SPATA24: variants seen among roughly 807,000 people sequenced by gnomAD.
The protein encoded by SPATA24 is spermatogenesis-associated protein 24.
A neutral mutation model predicts 28.9 loss-of-function variants in SPATA24; 21 were observed. That is an observed-to-expected ratio of 0.73 (90% CI 0.52 to 1.05). SPATA24 has a LOEUF of 1.05. Ranked by LOEUF, SPATA24 falls within the 50% of genes least tolerant of loss-of-function variation. The pLI is 0.00. For synonymous variants in SPATA24, 76 were observed against 89.9 expected (o/e 0.85, Z 0.88); for missense variants, 215 against 242.9 (o/e 0.88, Z 0.76).
intron 1 of SPATA24, among the ~76,000 whole-genome samples, chr5:139,403,533 G>A (rs964978235): frequency 6.6e-6 from 1 of 152,182 alleles, no homozygotes; most frequent in Non-Finnish European, 1.5e-5. Context: ...CGCTGGCAAG[G>A]GCCAAATCTG....
At chr5:139,396,292 A>G, downstream of SPATA24, 3 of 985,366 alleles carry the variant, frequency 3.0e-6, no homozygotes, top group Non-Finnish European at 3.6e-6. Context: ...GTGCAAATTG[A>G]GGTCCCTTCC....
Position 139,404,088 on chromosome 5 carries a change from T to C in SPATA24, c.-28A>G. 6.5e-7 allele frequency: 1 copy of C among 1,532,302 alleles called. No homozygotes were observed. Among genetic ancestry groups the C allele is most frequent in the Non-Finnish European group, 8.8e-7 (1 of 1,130,604 alleles). 94.9% of individuals were successfully genotyped at this position (1,532,302 alleles called of 1,614,324 possible). A position where few individuals can be genotyped will look rare whatever the true frequency, so the allele number is the denominator to read the frequency against. ...TCCGCCCCCGCCAGCTAGTTGGAAA[T>C]GGCTGCCTCGGGGGTGATCCTCGCC... On this transcript the variant is annotated 5_prime_UTR_variant, in exon 1 of 6. Transcript: ENST00000450845.
At chr5:139,401,479 A>AAAGGTGGAC (rs895650764) in intron 4 of SPATA24, 2 of 620,386 alleles carry the variant, frequency 3.2e-6, no homozygotes, top group Non-Finnish European at 5.8e-6. Context: ...TGGGAAAACA[A>AAAGGTGGAC]AAGGTGGACT....
At chr5:139,396,198 C>T, downstream of SPATA24, 1 of 985,372 alleles carries the variant, frequency 1.0e-6, no homozygotes, top group Non-Finnish European at 1.2e-6. Flanking sequence ...TGGGTGTGTC[C>T]CCATGATCAC....
chr5:139,393,060 G>C (rs748223567), downstream of SPATA24: 1 of 1,529,954 alleles, frequency 6.5e-7, no homozygotes, highest in Non-Finnish European at 8.8e-7. Context: ...GAGCCGGGGC[G>C]GGGGGCCCCA....
chr5:139,400,661 C>T (rs1758801950), intron 4 of SPATA24, among the ~76,000 whole-genome samples: 1 of 152,078 alleles, frequency 6.6e-6, no homozygotes, highest in South Asian at 2.1e-4. Context: ...AAAGGGGCTC[C>T]TGAGGTGTAC....
chr5:139,396,221 C>T (rs537508239), downstream of SPATA24: 5 of 985,370 alleles, frequency 5.1e-6, no homozygotes, highest in Admixed American at 6.1e-5. Flanking sequence ...AGGGGGCACT[C>T]GGTGATGGCT....
chr5:139,401,464 A>C (rs1450397453), intron 4 of SPATA24: 1 of 618,458 alleles, frequency 1.6e-6, no homozygotes, highest in African/African-American at 1.8e-5. Context: ...GTAACCCATC[A>C]AAAGTGGGAA....
At chr5:139,393,594 C>T (rs1208577805), downstream of SPATA24, 11 of 1,550,706 alleles carry the variant, frequency 7.1e-6, no homozygotes, top group South Asian at 1.1e-4. Context: ...CCGGCGGGGA[C>T]GGGCTGCTAC....
chr5:139,395,848 C>G (rs1230223261), downstream of SPATA24: 1 of 152,422 alleles, frequency 6.6e-6, no homozygotes, highest in Non-Finnish European at 1.5e-5. Context: ...TGGGGTCCTA[C>G]AGGAAGCTTC....
intron 1 of SPATA24, 107 bp from the exon 2 acceptor site, chr5:139,402,800 G>A (rs916641647): frequency 9.9e-6 from 8 of 805,608 alleles, no homozygotes; most frequent in African/African-American, 8.5e-5. Flanking sequence ...TGGTACCTAG[G>A]ATGAGACTGA....
intron 4 of SPATA24, among the ~76,000 whole-genome samples, chr5:139,400,233 T>C (rs144317635): frequency 2.0e-5 from 3 of 151,988 alleles, no homozygotes; most frequent in African/African-American, 4.8e-5. Flanking sequence ...CCTCTTGCGC[T>C]TGGGCTCTGG....
chr5:139,394,915 C>T, downstream of SPATA24: 1 of 1,519,262 alleles, frequency 6.6e-7, no homozygotes, highest in Non-Finnish European at 8.8e-7. Flanking sequence ...CACCCAGGGC[C>T]AATTCGCTGG....
At chr5:139,398,564 C>A (rs1758758793) in intron 4 of SPATA24, among the ~76,000 whole-genome samples, 1 of 152,044 alleles carries the variant, frequency 6.6e-6, no homozygotes, top group African/African-American at 2.4e-5. Context: ...CAGAGCAAGA[C>A]CCTGTCTCTA....
rs541311172 is a variant in SPATA24 at position 139,402,016 on chromosome 5, C to G, written c.213G>C (p.Lys71Asn). 1 of 1,551,468 alleles carries G rather than the reference C, an allele frequency of 6.4e-7. No homozygotes were observed. Among genetic ancestry groups the G allele is most frequent in the African/African-American group, 1.4e-5 (1 of 73,086 alleles). ...TCTCCTCTTCCTTGGCCAGGAGGAC[C>G]TTGGTTTTGGCATGGGCAGCTTTCT... The part of the protein sequence containing the change: ...VEEKAAHAKT[K>N]VLLAKEEEKL... Residue 71 changes from lysine to asparagine, a missense_variant, in exon 3 of 6, where the codon AAG (lysine) becomes AAC (asparagine). Coordinates refer to ENST00000450845, the MANE Select transcript of SPATA24 (RefSeq NM_194296.2).
At chr5:139,392,645 C>T, downstream of SPATA24, 2 of 1,389,844 alleles carry the variant, frequency 1.4e-6, no homozygotes, top group Non-Finnish European at 1.9e-6. The surrounding 1 kb of genome is among the most constrained non-coding windows in gnomAD (Gnocchi z 5.8). Flanking sequence ...GGTGCTATCC[C>T]AGGGCTCGGG....
chr5:139,399,316 C>CAA (rs1435847293), intron 4 of SPATA24, among the ~76,000 whole-genome samples: 3 of 59,034 alleles, frequency 5.1e-5, no homozygotes, highest in Non-Finnish European at 1.0e-4. Context: ...GACTCCATCT[C>CAA]AAAAAAAAAA....
chr5:139,402,885 C>A (rs1324401777), intron 1 of SPATA24, among the ~76,000 whole-genome samples, 192 bp from the exon 2 acceptor site: 4 of 152,202 alleles, frequency 2.6e-5, no homozygotes, highest in African/African-American at 9.7e-5. Flanking sequence ...AAGGAGCAGC[C>A]AGTCTCATGG....
chr5:139,394,598 C>A (rs555069380), downstream of SPATA24: 14 of 1,531,790 alleles, frequency 9.1e-6, no homozygotes, highest in East Asian at 3.0e-4. Flanking sequence ...GAGCCACCAT[C>A]GGGGACCTGG....
Sources: gnomAD v4.1 joint callset for allele counts (sites outside exome capture counted in the v4.1 genomes callset) on GRCh38, gnomAD v4.1.1 for gene constraint, Gnocchi (gnomAD v3.1) non-coding constraint, MANE v1.5 for transcripts, NCBI Gene and HGNC (gene_info 2026-07-23, HGNC 2026-07-21) for gene names.